Variants in ZNF385D observed in about 807,000 individuals in gnomAD.
ZNF385D encodes zinc finger protein 659.
In ZNF385D, 15 loss-of-function variants were observed where a neutral mutation model predicts 35.8. That is an observed-to-expected ratio of 0.42 (90% CI 0.28 to 0.64). The LOEUF (loss-of-function observed/expected upper bound fraction) is 0.64. Among genes scored for constraint, ZNF385D ranks in the 30% least tolerant of loss-of-function variants. ZNF385D has a pLI of 0.23. For synonymous variants in ZNF385D, 212 were observed against 186.8 expected (o/e 1.13, Z -1.10); for missense variants, 474 against 494.6 (o/e 0.96, Z 0.39).
chr3:22,288,354 T>G (rs1014783840), intron 2 of ZNF385D, among the ~76,000 whole-genome samples: 2 of 152,090 alleles, frequency 1.3e-5, no homozygotes. Context: ...TCTTGATTTC[T>G]TCTCCTGGAA....
At position 21,510,890 on chromosome 3, in the gene ZNF385D, T is replaced by C. The variant is rs1269718085; in HGVS notation, c.410A>G (p.Asn137Ser). 3 of 1,614,064 alleles carry C rather than the reference T, an allele frequency of 1.9e-6. No homozygotes were observed. Among genetic ancestry groups the C allele is most frequent in the East Asian group, 4.5e-5 (2 of 44,860 alleles). Residue 137 changes from asparagine to serine, a missense_variant, in exon 4 of 8, where the codon AAT becomes AGT. Physicochemically the swap from Asn to Ser is conservative, Grantham distance 46. Coordinates refer to ENST00000281523, the MANE Select transcript of ZNF385D (RefSeq NM_024697.3). ...AKTTFTSITT[N>S]TINTSSDKTD... ...TTTGTCAGAGCTGGTATTGATGGTATTGGTAGTGATGGAGGTGAAGGTAGT... is the reference window on the plus strand; with the variant it reads ...TTTGTCAGAGCTGGTATTGATGGTACTGGTAGTGATGGAGGTGAAGGTAGT...
intron 3 of ZNF385D, among the ~76,000 whole-genome samples, chr3:21,562,892 A>AT (rs1553613136): frequency 6.3e-5 from 1 of 15,908 alleles, no homozygotes; most frequent in African/African-American, 1.6e-3. Context: ...TTTATTGTTA[A>AT]AATTAAGCAA....
intron 2 of ZNF385D, among the ~76,000 whole-genome samples, chr3:22,210,637 G>T (rs1363486233): frequency 6.6e-6 from 1 of 151,836 alleles, no homozygotes; most frequent in Non-Finnish European, 1.5e-5. Context: ...GGATGTTTCT[G>T]GCATTACATT....
intron 2 of ZNF385D, among the ~76,000 whole-genome samples, chr3:22,292,940 T>C (rs779889442): frequency 6.6e-6 from 1 of 152,206 alleles, no homozygotes; most frequent in Non-Finnish European, 1.5e-5. Flanking sequence ...TTCCTGTTTT[T>C]CCCTTTAGAC....
intron 1 of ZNF385D, among the ~76,000 whole-genome samples, chr3:21,714,495 C>A (rs2068235801): frequency 6.6e-6 from 1 of 152,124 alleles, no homozygotes; most frequent in Non-Finnish European, 1.5e-5. Context: ...ACCACTCCCA[C>A]TTTTTATGGA....
intron 2 of ZNF385D, among the ~76,000 whole-genome samples, chr3:22,333,217 T>C (rs533769371): frequency 7.2e-5 from 11 of 152,208 alleles, no homozygotes; most frequent in Non-Finnish European, 1.5e-4. Flanking sequence ...CTCAGGCTGC[T>C]TTCAATATTT....
intron 2 of ZNF385D, among the ~76,000 whole-genome samples, chr3:22,195,863 T>A (rs1314197797): frequency 6.6e-6 from 1 of 151,996 alleles, no homozygotes; most frequent in Non-Finnish European, 1.5e-5. Context: ...CAAGATCATG[T>A]TCTTTGCAGG....
chr3:22,254,647 A>G (rs1442009912), intron 2 of ZNF385D, among the ~76,000 whole-genome samples: 2 of 151,840 alleles, frequency 1.3e-5, no homozygotes, highest in African/African-American at 4.8e-5. Context: ...GTTTTTTCCT[A>G]TACATACATA....
At chr3:22,290,382 A>G (rs1167401690) in intron 2 of ZNF385D, among the ~76,000 whole-genome samples, 12 of 152,150 alleles carry the variant, frequency 7.9e-5, no homozygotes, top group Non-Finnish European at 1.6e-4. Context: ...CTGATGTCAG[A>G]GAAGATAGTT....
intron 2 of ZNF385D, among the ~76,000 whole-genome samples, chr3:21,629,207 T>G (rs62237377): frequency 0.15 from 22,415 of 152,058 alleles, 1,770 homozygotes; most frequent in Admixed American, 0.16. Context: ...CTAAAAGTTG[T>G]GGTGGGTCAA....
rs148752393 is a variant in ZNF385D at position 22,172,200 on chromosome 3, G to A, written c.107-3165C>T. 3.9e-5 allele frequency among the ~76,000 whole-genome samples: 6 copies of A among 152,196 alleles called. No individual in the cohort carries two copies. In the East Asian group the frequency reaches 7.7e-4, roughly 20 times the overall value. ...ATGTCTGGCTTAATACAGTAATGTAGGTATAGACAGCACTATTTAACATGT... is the reference window on the plus strand; with the variant it reads ...ATGTCTGGCTTAATACAGTAATGTAAGTATAGACAGCACTATTTAACATGT... On this transcript the variant is annotated intron_variant, in intron 2 of 5. Transcript: ENST00000494108.
At chr3:21,426,403 C>A (rs1000429362) in intron 5 of ZNF385D, among the ~76,000 whole-genome samples, 2 of 152,152 alleles carry the variant, frequency 1.3e-5, no homozygotes, top group Non-Finnish European at 2.9e-5. Flanking sequence ...CTTCACACAT[C>A]ATTCATGCAA....
chr3:21,540,578 T>A (rs558877642), intron 3 of ZNF385D, among the ~76,000 whole-genome samples: 5 of 152,202 alleles, frequency 3.3e-5, no homozygotes, highest in Non-Finnish European at 7.3e-5. Context: ...GTTCAGAGAC[T>A]ACCTTCTGAA....
intron 3 of ZNF385D, among the ~76,000 whole-genome samples, chr3:21,963,890 C>T (rs1336808919): frequency 6.6e-6 from 1 of 151,990 alleles, no homozygotes; most frequent in East Asian, 1.9e-4. Context: ...AGCAGAAATA[C>T]AAGAACTAAC....
At chr3:21,989,586 A>G (rs1695031183) in intron 3 of ZNF385D, among the ~76,000 whole-genome samples, 1 of 152,232 alleles carries the variant, frequency 6.6e-6, no homozygotes, top group Non-Finnish European at 1.5e-5. Flanking sequence ...AATGTCTTAC[A>G]CAATACTAAA....
chr3:22,143,029 A>T, intron 3 of ZNF385D, among the ~76,000 whole-genome samples: 1 of 150,986 alleles, frequency 6.6e-6, no homozygotes, highest in East Asian at 1.9e-4. Flanking sequence ...AAAAAAAAAG[A>T]GATTCATTTG....
At chr3:22,224,275 G>T (rs895896832) in intron 2 of ZNF385D, among the ~76,000 whole-genome samples, 1 of 152,144 alleles carries the variant, frequency 6.6e-6, no homozygotes, top group African/African-American at 2.4e-5. Flanking sequence ...CTACTTATTT[G>T]TATTTTTAAT....
intron 2 of ZNF385D, among the ~76,000 whole-genome samples, chr3:21,565,498 C>T (rs1021734297): frequency 5.3e-5 from 8 of 152,096 alleles, no homozygotes; most frequent in African/African-American, 1.2e-4. Flanking sequence ...CCCACTTGAG[C>T]CTCCCAAGTA....
chr3:22,317,452 A>T (rs750065303), intron 2 of ZNF385D, among the ~76,000 whole-genome samples: 41 of 152,070 alleles, frequency 2.7e-4, no homozygotes, highest in Non-Finnish European at 4.9e-4. Flanking sequence ...ACTTCTACCT[A>T]TTCTTCTGAG....
Sources: gnomAD v4.1 joint callset for allele counts (sites outside exome capture counted in the v4.1 genomes callset) on GRCh38, gnomAD v4.1.1 for gene constraint, MANE v1.5 for transcripts, NCBI Gene and HGNC (gene_info 2026-07-23, HGNC 2026-07-21) for gene names.